The following TMEM240 variants were observed in gnomAD, a reference collection of about 807,000 sequenced individuals.
TMEM240 encodes the protein transmembrane protein 240, also known as transmembrane protein C1orf70.
In TMEM240, 3 loss-of-function variants were observed where a neutral mutation model predicts 19.5. The observed-to-expected ratio is 0.15, with a 90% CI of 0.07 to 0.40. The LOEUF is 0.40. TMEM240 is among the 10% of genes least tolerant of loss of function. TMEM240 has a pLI of 1.00. For missense variants in TMEM240, 210 were observed against 253.5 expected (o/e 0.83, Z 1.17); for synonymous variants, 123 against 109.3 (o/e 1.13, Z -0.78).
intron 2 of TMEM240, among the ~76,000 whole-genome samples, chr1:1,537,147 C>G (rs1642234983): frequency 6.6e-6 from 1 of 152,114 alleles, no homozygotes; most frequent in African/African-American, 2.4e-5. Flanking sequence ...AGCCCAGGAA[C>G]AGGGAGGAGG....
intron 1 of TMEM240, among the ~76,000 whole-genome samples, 167 bp from the exon 2 acceptor site, chr1:1,539,957 T>G (rs1156970379): frequency 1.5e-4 from 10 of 67,372 alleles, no homozygotes; most frequent in Admixed American, 1.9e-4. Flanking sequence ...GGTATGGGGA[T>G]CGCAGGCTGG....
rs1642287450 is a variant in TMEM240 at position 1,540,444 on chromosome 1, G to A, written c.-98C>T. The A allele has an allele frequency of 2.8e-6, 1 of 357,582 alleles. No individual in the cohort carries two copies. Among genetic ancestry groups the A allele is most frequent in the Non-Finnish European group, 4.0e-6 (1 of 247,136 alleles). 22.2% of individuals were successfully genotyped at this position (357,582 alleles called of 1,614,324 possible). Reference sequence around the variant, plus strand: ...GCCCCCGCCGCCTCCGCAGAGGTCAGCGCTTCCCTGGATCGTCCGCCGCCG... The same window carrying A: ...GCCCCCGCCGCCTCCGCAGAGGTCAACGCTTCCCTGGATCGTCCGCCGCCG... On this transcript the variant is annotated 5_prime_UTR_variant, in exon 1 of 4. Coordinates refer to ENST00000378733, the MANE Select transcript of TMEM240 (RefSeq NM_001114748.2).
rs1175701658 is a variant in TMEM240 at position 1,535,999 on chromosome 1, G to A, written c.165-202C>T. Among the ~76,000 whole-genome samples the A allele has an allele frequency of 6.6e-6, 1 of 152,136 alleles. No individual in the cohort carries two copies. The highest frequency in any genetic ancestry group is 1.5e-5 in the Non-Finnish European group (1 of 68,006). On this transcript the variant is annotated intron_variant, in intron 2 of 3. Coordinates refer to ENST00000378733, the MANE Select transcript of TMEM240 (RefSeq NM_001114748.2). The surrounding 1 kb of genome is among the most constrained non-coding windows in gnomAD (Gnocchi z 8.2). ...ACAGGCCAGAGGGAGTGGGAGGTCA[G>A]TGGCCATGGGCTGTGGAGGCCGAGC...
chr1:1,535,917 C>A lies in TMEM240; in HGVS notation c.165-120G>T. Reference sequence around the variant, plus strand: ...AGGCCGCCCTGGGGGTTCTCTGAAGCAGCCTCTTGGGCGGGCGGGTCGGGA... The same window carrying A: ...AGGCCGCCCTGGGGGTTCTCTGAAGAAGCCTCTTGGGCGGGCGGGTCGGGA... On this transcript the variant is annotated intron_variant, in intron 2 of 3. Transcript: ENST00000378733. The surrounding 1 kb of genome is among the most constrained non-coding windows in gnomAD (Gnocchi z 8.2). The A allele has an allele frequency of 4.5e-6, 3 of 659,596 alleles. No individual in the cohort carries two copies. Among genetic ancestry groups the A allele is most frequent in the Non-Finnish European group, 5.4e-6 (2 of 370,880 alleles). 40.9% of individuals were successfully genotyped at this position (659,596 alleles called of 1,614,324 possible).
chr1:1,538,106 A>G (rs542935009), intron 2 of TMEM240, among the ~76,000 whole-genome samples: 12 of 152,256 alleles, frequency 7.9e-5, no homozygotes, highest in Non-Finnish European at 1.5e-4. Flanking sequence ...GGCTGCAGCT[A>G]CACGGAGACA....
rs1642283481 is a variant in TMEM240, at chr1:1,540,252, G to A, written c.57+38C>T. ...GTGGGCCAGGCGGCGCGCGCGGGCG[G>A]GGAGCAGGGGGCGCGCGCGGGAAGC... is the stretch of plus-strand genomic sequence containing the variant. On this transcript the variant is annotated intron_variant, in intron 1 of 3. Transcript: ENST00000378733. The A allele has an allele frequency of 3.9e-6, 5 of 1,292,716 alleles. No homozygotes were observed. The East Asian group carries it at 1.3e-4, about 34-fold the overall frequency. The allele number at this position is 1,292,716 out of a possible 1,614,324, so 80.1% of individuals were successfully genotyped here.
Position 1,536,715 on chromosome 1 carries a change from A to T in TMEM240, c.165-918T>A, listed in dbSNP as rs1051171625. ...TCTGCCGATCGGACTGGCATCCCAG[A>T]CAGTCAACTCTGGGATCCCTAGTCC... On this transcript the variant is annotated intron_variant, in intron 2 of 3. Transcript: ENST00000378733. The surrounding 1 kb of genome is among the most constrained non-coding windows in gnomAD (Gnocchi z 5.4). 5.9e-5 allele frequency among the ~76,000 whole-genome samples: 9 copies of T among 152,046 alleles called. No individual in the cohort carries two copies. Among genetic ancestry groups the T allele is most frequent in the African/African-American group, 2.2e-4 (9 of 41,394 alleles).
At position 1,536,936 on chromosome 1, in the gene TMEM240, A is replaced by AGC. The variant is rs1642232517; in HGVS notation, c.165-1141_165-1140dup. On this transcript the variant is annotated intron_variant, in intron 2 of 3. Transcript: ENST00000378733. The surrounding 1 kb of genome is among the most constrained non-coding windows in gnomAD (Gnocchi z 5.4). ...TCCCCCACCTTCCCCTCGGTGACGT[A>AGC]GCAGCGCCTCAGCCTGGTTTTCAGC... Among the ~76,000 whole-genome samples, 1 of 151,866 alleles carries AGC rather than the reference A, an allele frequency of 6.6e-6. No individual in the cohort carries two copies. The highest frequency in any genetic ancestry group is 6.5e-5 in the Admixed American group (1 of 15,274).
In TMEM240 at chr1:1,535,979, C is replaced by G. The variant is rs1263095266; in HGVS notation, c.165-182G>C. Among the ~76,000 whole-genome samples the G allele has an allele frequency of 1.3e-5, 2 of 152,072 alleles. No individual in the cohort carries two copies. The highest frequency in any genetic ancestry group is 1.3e-4 in the Admixed American group (2 of 15,280). ...GACTCAACGAGGCCCAGGTCACAGG[C>G]CAGAGGGAGTGGGAGGTCAGTGGCC... On this transcript the variant is annotated intron_variant, in intron 2 of 3. Transcript: ENST00000378733. The surrounding 1 kb of genome is among the most constrained non-coding windows in gnomAD (Gnocchi z 8.2).
chr1:1,535,370 G>T lies in TMEM240; in HGVS notation c.511C>A (p.Arg171=), dbSNP rs606231455. The T allele has an allele frequency of 6.5e-7, 1 of 1,549,408 alleles. No homozygotes were observed. Among genetic ancestry groups the T allele is most frequent in the Non-Finnish European group, 8.7e-7 (1 of 1,146,300 alleles). The part of the protein sequence containing the change: ...KLYHNGHPSP[R]HL ...AGTCCCCGTGCGGCTCACAGGTGCC[G>T]CGGGCTGGGGTGGCCATTGTGGTAG... The change falls in exon 4 of 4, where the codon CGG becomes AGG. Residue 171 remains arginine, a synonymous_variant. Coordinates refer to ENST00000378733, the MANE Select transcript of TMEM240 (RefSeq NM_001114748.2). The surrounding 1 kb of genome is among the most constrained non-coding windows in gnomAD (Gnocchi z 8.2).
Position 1,535,936 on chromosome 1 carries a change from G to T in TMEM240, c.165-139C>A. ...CTGAAGCAGCCTCTTGGGCGGGCGG[G>T]TCGGGAAGGGGGCACCAGACTCAAC... On this transcript the variant is annotated intron_variant, in intron 2 of 3. Transcript: ENST00000378733. This position sits in a 1 kb window ranked among gnomAD's most constrained non-coding sequence, Gnocchi z 8.2. 1.2e-5 allele frequency: 6 copies of T among 493,128 alleles called. No individual in the cohort carries two copies. The highest frequency in any genetic ancestry group is 2.7e-5 in the Admixed American group (1 of 37,224). 30.5% of individuals were successfully genotyped at this position (493,128 alleles called of 1,614,324 possible).
Position 1,535,906 on chromosome 1 carries a change from G to T in TMEM240, c.165-109C>A. ...GTGACCGCGTCAGGCCGCCCTGGGG[G>T]TTCTCTGAAGCAGCCTCTTGGGCGG... On this transcript the variant is annotated intron_variant, in intron 2 of 3. Coordinates refer to ENST00000378733, the MANE Select transcript of TMEM240 (RefSeq NM_001114748.2). The surrounding 1 kb of genome is among the most constrained non-coding windows in gnomAD (Gnocchi z 8.2). The T allele has an allele frequency of 8.6e-6, 4 of 464,388 alleles. No individual in the cohort carries two copies. The highest frequency in any genetic ancestry group is 1.2e-5 in the Non-Finnish European group (3 of 244,964). 28.8% of individuals were successfully genotyped at this position (464,388 alleles called of 1,614,324 possible).
chr1:1,540,621 ACTCGGCTCCG>A (rs1262873179), exon 1 of TMEM240, among the ~76,000 whole-genome samples: 8 of 146,400 alleles, frequency 5.5e-5, no homozygotes, highest in East Asian at 8.3e-4. Context: ...GCTCGGCTCG[ACTCGGCTCCG>A]CTCGGCTCCG....
In TMEM240 at chr1:1,540,351, C is replaced by T; in HGVS notation, c.-5G>A. 1.7e-6 allele frequency: 2 copies of T among 1,198,830 alleles called. No individual in the cohort carries two copies. The highest frequency in any genetic ancestry group is 2.1e-6 in the Non-Finnish European group (2 of 959,852). The allele number at this position is 1,198,830 out of a possible 1,614,324, so 74.3% of individuals were successfully genotyped here. On this transcript the variant is annotated 5_prime_UTR_variant, in exon 1 of 4. Transcript: ENST00000378733. ...GGTGTTCGCGCTCATGGACATCGGG[C>T]GGGGCCGGGCCGGGCCGGAGCGCCG...
Position 1,537,234 on chromosome 1 carries a change from C to T in TMEM240, c.165-1437G>A, listed in dbSNP as rs529336554. Among the ~76,000 whole-genome samples the T allele has an allele frequency of 2.2e-4, 33 of 152,074 alleles. No homozygotes were observed. The East Asian group carries it at 3.5e-3, about 16-fold the overall frequency. ...CGGAGGTCAGTCCCCTCAGCATATC[C>T]GGAAAGTGGCCGCTTTCAGTGGCAG... On this transcript the variant is annotated intron_variant, in intron 2 of 3. Transcript: ENST00000378733.
At position 1,535,179 on chromosome 1, in the gene TMEM240, A is replaced by G. The variant is rs1375250667; in HGVS notation, c.*180T>C. 4.8e-6 allele frequency: 3 copies of G among 620,970 alleles called. No homozygotes were observed. Among genetic ancestry groups the G allele is most frequent in the Admixed American group, 3.6e-5 (1 of 28,094 alleles). 38.5% of individuals were successfully genotyped at this position (620,970 alleles called of 1,614,324 possible). ...AACCCCCACCCTAGCCCACACCCCA[A>G]CCCCCTTTATAAAAAGAAGAGACAG... On this transcript the variant is annotated 3_prime_UTR_variant, in exon 4 of 4. Coordinates refer to ENST00000378733, the MANE Select transcript of TMEM240 (RefSeq NM_001114748.2). The surrounding 1 kb of genome is among the most constrained non-coding windows in gnomAD (Gnocchi z 8.2).
intron 2 of TMEM240, among the ~76,000 whole-genome samples, chr1:1,538,684 C>G: frequency 6.6e-6 from 1 of 152,386 alleles, no homozygotes; most frequent in Middle Eastern, 3.4e-3. Context: ...ACCCCGATCT[C>G]TGCCTTCTCT....
rs948435492 is a variant in TMEM240, at chr1:1,535,618, A to C, written c.344T>G (p.Val115Gly). 4 of 1,549,552 alleles carry C rather than the reference A, an allele frequency of 2.6e-6. No homozygotes were observed. The African/African-American group carries it at 5.5e-5, about 21-fold the overall frequency. The change falls in exon 3 of 4, where the codon GTG becomes GGG. Residue 115 changes from valine (V) to glycine (G), a missense_variant. Coordinates refer to ENST00000378733, the MANE Select transcript of TMEM240 (RefSeq NM_001114748.2). This position sits in a 1 kb window ranked among gnomAD's most constrained non-coding sequence, Gnocchi z 8.2. ...GCGCCGTCCGGCTCTCCAGGCGCGC[A>C]CGGCGCAGTGCAGGACGCCGTCCAT... ...VWMDGVLHCA[V>G]RAWRAGRRYD...
At chr1:1,538,398 ATACTC>A (rs2100698090) in intron 2 of TMEM240, among the ~76,000 whole-genome samples, 1 of 152,314 alleles carries the variant, frequency 6.6e-6, no homozygotes, top group East Asian at 1.9e-4. Context: ...CCCTGTGCAA[ATACTC>A]TAAGGCGCCT....
Sources: allele counts gnomAD v4.1 joint callset (sites outside exome capture counted in the v4.1 genomes callset), GRCh38; gene constraint gnomAD v4.1.1; non-coding constraint Gnocchi (gnomAD v3.1); transcripts MANE v1.5; gene names NCBI Gene and HGNC (gene_info 2026-07-23, HGNC 2026-07-21).